Variants in NAA15 observed in about 807,000 individuals in gnomAD.
The protein encoded by NAA15 is N-alpha-acetyltransferase 15, NatA auxiliary subunit, also known as N-terminal acetyltransferase.
NAA15 carries 34 observed loss-of-function variants against 114.0 expected under a neutral mutation model. That is an observed-to-expected ratio of 0.30 (90% confidence interval 0.23 to 0.40). NAA15 has a LOEUF of 0.40. Among genes scored for constraint, NAA15 ranks in the 10% least tolerant of loss-of-function variants. The pLI is 1.00. For missense variants in NAA15, 658 were observed against 1,004.5 expected, an observed-to-expected ratio of 0.66 and a Z score of 4.66; for synonymous variants, 340 against 338.0, an observed-to-expected ratio of 1.01 and a Z score of -0.06.
In NAA15 at chr4:139,388,006, TGGATATGAAGA is replaced by T. The variant is rs1205461422; in HGVS notation, c.2535_2545del (p.Glu845AspfsTer4). 1 of 1,614,026 alleles carries T rather than the reference TGGATATGAAGA, an allele frequency of 6.2e-7. No individual in the cohort carries two copies. The highest frequency in any genetic ancestry group is 8.5e-7 in the Non-Finnish European group (1 of 1,179,946). On this transcript the variant is annotated frameshift_variant, in exon 20 of 20. Transcript: ENST00000296543. LOFTEE classifies it high-confidence loss of function. ...CTTATGCTTTGGCTTTCATGCCTCC[TGGATATGAAGA>T]GGATATGAAGATCACAGTTAATGGA...
chr4:139,381,222 A>G (rs1748746060), intron 17 of NAA15, among the ~76,000 whole-genome samples: 2 of 152,182 alleles, frequency 1.3e-5, no homozygotes, highest in African/African-American at 4.8e-5. Context: ...AGGATGATAT[A>G]TTTAATACCC....
chr4:139,381,006 A>G (rs1748736934), intron 17 of NAA15, among the ~76,000 whole-genome samples: 1 of 152,228 alleles, frequency 6.6e-6, no homozygotes, highest in Non-Finnish European at 1.5e-5. Flanking sequence ...AAACCCTCAC[A>G]GACACCTTTC....
In NAA15 at chr4:139,340,857, C is replaced by G. The variant is rs1053498744; in HGVS notation, c.245-55C>G. ...TGGTTCTCCAAGTTTTTTGGGAGGT[C>G]GTTTGGAATAGTAATTTTTGACTTG... On this transcript the variant is annotated intron_variant, in intron 3 of 19. Coordinates refer to ENST00000296543, the MANE Select transcript of NAA15 (RefSeq NM_057175.5). 6 of 1,370,350 alleles carry G rather than the reference C, an allele frequency of 4.4e-6. No homozygotes were observed. The African/African-American group carries it at 7.5e-5, about 17-fold the overall frequency. 84.9% of individuals were successfully genotyped at this position (1,370,350 alleles called of 1,614,324 possible). A position where few individuals can be genotyped will look rare whatever the true frequency, so the allele number is the denominator to read the frequency against.
chr4:139,349,515 G>A lies in NAA15; in HGVS notation c.745G>A (p.Gly249Arg). Residue 249 changes from glycine (G) to arginine (R), a missense_variant, in exon 7 of 20, where the codon GGA becomes AGA. Gly to Arg is a moderately radical substitution (Grantham distance 125). Coordinates refer to ENST00000296543, the MANE Select transcript of NAA15 (RefSeq NM_057175.5). ...GGAAGATGCTGCAGATGTTTATAGAGGATTGCAAGAGAGAAATCCTGAAAA... is the reference window on the plus strand; with the variant it reads ...GGAAGATGCTGCAGATGTTTATAGAAGATTGCAAGAGAGAAATCCTGAAAA... ...RLEDAADVYR[G>R]LQERNPENWA... 7 of 1,611,710 alleles carry A rather than the reference G, an allele frequency of 4.3e-6. No individual in the cohort carries two copies. The highest frequency in any genetic ancestry group is 5.9e-6 in the Non-Finnish European group (7 of 1,179,192).
At chr4:139,360,883 T>C (rs1748112411) in intron 13 of NAA15, among the ~76,000 whole-genome samples, 1 of 152,166 alleles carries the variant, frequency 6.6e-6, no homozygotes, top group Admixed American at 6.6e-5. Flanking sequence ...TTATTGATTT[T>C]TGAACCTTCC....
At position 139,390,074 on chromosome 4, in the gene NAA15, G is replaced by A. The variant is rs1749014561; in HGVS notation, c.*1990G>A. 6.6e-6 allele frequency: 1 copy of A among 152,584 alleles called. No homozygotes were observed. The highest frequency in any genetic ancestry group is 1.9e-4 in the East Asian group (1 of 5,200). 9.5% of individuals were successfully genotyped at this position (152,584 alleles called of 1,614,324 possible). A position where few individuals can be genotyped will look rare whatever the true frequency, so the allele number is the denominator to read the frequency against. Reference sequence around the variant, plus strand: ...GAGGAGGTACCAGCCATATAATAGGGGGTGTATGTGTGAATTTTGTTTAAA... The same window carrying A: ...GAGGAGGTACCAGCCATATAATAGGAGGTGTATGTGTGAATTTTGTTTAAA... On this transcript the variant is annotated 3_prime_UTR_variant, in exon 20 of 20. Transcript: ENST00000296543.
chr4:139,371,496 A>AGCGCGC (rs774315540), intron 15 of NAA15, among the ~76,000 whole-genome samples: 141 of 41,810 alleles, frequency 3.4e-3, no homozygotes, highest in African/African-American at 7.9e-3. Flanking sequence ...AAAGAAAAGT[A>AGCGCGC]GCACACACAC....
intron 17 of NAA15, 31 bp downstream of exon 17, chr4:139,378,885 T>A: frequency 7.5e-7 from 1 of 1,329,986 alleles, no homozygotes; most frequent in South Asian, 1.4e-5. Context: ...ACTTAAGTAT[T>A]TGATACAGTG....
rs1460009137 is a variant in NAA15, at chr4:139,390,208, G to A, written c.*2124G>A. 2 of 152,678 alleles carry A rather than the reference G, an allele frequency of 1.3e-5. No individual in the cohort carries two copies. The highest frequency in any genetic ancestry group is 4.8e-5 in the African/African-American group (2 of 41,464). The allele number at this position is 152,678 out of a possible 1,614,324, so 9.5% of individuals were successfully genotyped here. ...AAGTACTCAGAACTCTTAAGATGCA[G>A]ATGCCACCCGTGAGGAGCTAAATTC... On this transcript the variant is annotated 3_prime_UTR_variant, in exon 20 of 20. Coordinates refer to ENST00000296543, the MANE Select transcript of NAA15 (RefSeq NM_057175.5).
chr4:139,301,835 A>G lies in NAA15; in HGVS notation c.54+4A>G. The G allele has an allele frequency of 6.3e-7, 1 of 1,589,568 alleles. No individual in the cohort carries two copies. Among genetic ancestry groups the G allele is most frequent in the Non-Finnish European group, 8.6e-7 (1 of 1,167,120 alleles). ...TGCGCTCTTCAAGCGGATCTTGGTA[A>G]GTGTGAGGCTCCGGGCAAGCGGTGG... is the stretch of plus-strand genomic sequence containing the variant. On this transcript the variant is annotated splice_donor_region_variant and intron_variant, in intron 1 of 19. Transcript: ENST00000296543.
chr4:139,373,159 G>A (rs1248754885), intron 15 of NAA15, among the ~76,000 whole-genome samples: 1 of 152,122 alleles, frequency 6.6e-6, no homozygotes, highest in African/African-American at 2.4e-5. Flanking sequence ...TGGGATTACA[G>A]GTGTGAGCTA....
chr4:139,337,927 G>A (rs1334785913), intron 3 of NAA15, among the ~76,000 whole-genome samples: 1 of 152,192 alleles, frequency 6.6e-6, no homozygotes, highest in Non-Finnish European at 1.5e-5. Flanking sequence ...AGAGTGACTA[G>A]AGGACTAGAA....
chr4:139,384,339 G>A (rs1307830657), intron 17 of NAA15, among the ~76,000 whole-genome samples: 4 of 152,098 alleles, frequency 2.6e-5, no homozygotes, highest in African/African-American at 9.7e-5. Flanking sequence ...TTAGCTGGAC[G>A]TGGTAGCTTG....
rs1746329207 is a variant in NAA15 at position 139,314,868 on chromosome 4, G to A, written c.54+13037G>A. Among the ~76,000 whole-genome samples, 3 of 151,692 alleles carry A rather than the reference G, an allele frequency of 2.0e-5. 1 individual carries two copies. In the South Asian group the frequency reaches 6.3e-4, roughly 32 times the overall value. ...AATTTTTGTATTTTTAGTAGAAACG[G>A]GATTTCACCATGTTGGCCACGATGG... On this transcript the variant is annotated intron_variant, in intron 1 of 19. Coordinates refer to ENST00000296543, the MANE Select transcript of NAA15 (RefSeq NM_057175.5).
At chr4:139,341,593 C>CAAAAAAAAA (rs751688160) in intron 4 of NAA15, among the ~76,000 whole-genome samples, 185 of 14,426 alleles carry the variant, frequency 0.013, 18 homozygotes, top group Non-Finnish European at 0.021. Flanking sequence ...AACTCTGTCT[C>CAAAAAAAAA]AAAAAAAAAA....
intron 1 of NAA15, among the ~76,000 whole-genome samples, chr4:139,321,203 G>A (rs1207812541): frequency 6.6e-6 from 1 of 151,142 alleles, no homozygotes; most frequent in Admixed American, 6.6e-5. Context: ...GCTTATGTTG[G>A]GTTAAATTTG....
chr4:139,314,328 G>A (rs111342624), intron 1 of NAA15, among the ~76,000 whole-genome samples: 9,550 of 151,762 alleles, frequency 0.063, 1,093 homozygotes, highest in African/African-American at 0.22. Context: ...ACTTGTTTTG[G>A]CTAGGTGCTG....
rs138443733 is a variant in NAA15 at position 139,354,009 on chromosome 4, G to A, written c.1015-17G>A. On this transcript the variant is annotated splice_polypyrimidine_tract_variant and intron_variant, in intron 9 of 19. Transcript: ENST00000296543. Reference sequence around the variant, plus strand: ...GTGTTTTTTCTATTAAAGTGTGTTTGTGTGTTTGTACTCTAGGTGGCAATC... The same window carrying A: ...GTGTTTTTTCTATTAAAGTGTGTTTATGTGTTTGTACTCTAGGTGGCAATC... 14 of 1,599,612 alleles carry A rather than the reference G, an allele frequency of 8.8e-6. No homozygotes were observed. In the East Asian group the frequency reaches 2.9e-4, roughly 33 times the overall value.
At chr4:139,338,669 A>G (rs967578106) in intron 3 of NAA15, among the ~76,000 whole-genome samples, 2 of 152,124 alleles carry the variant, frequency 1.3e-5, no homozygotes, top group Non-Finnish European at 2.9e-5. Flanking sequence ...GCTGGTGTCA[A>G]ACTCCTGACC....
Sources: gnomAD v4.1 joint callset for allele counts (sites outside exome capture counted in the v4.1 genomes callset) on GRCh38, gnomAD v4.1.1 for gene constraint, MANE v1.5 for transcripts, NCBI Gene and HGNC (gene_info 2026-07-23, HGNC 2026-07-21) for gene names.